DMD: variants seen among roughly 807,000 people sequenced by gnomAD.
The protein encoded by DMD is mutant dystrophin.
A neutral mutation model predicts 330.1 loss-of-function variants in DMD; 63 were observed. The observed-to-expected ratio is 0.19, with a 90% CI of 0.16 to 0.24. The LOEUF (loss-of-function observed/expected upper bound fraction) is 0.24. Ranked by LOEUF, DMD falls within the 10% of genes least tolerant of loss-of-function variation. DMD has a pLI of 1.00. For missense variants in DMD, 3,344 were observed against 2,684.1 expected (o/e 1.25, Z -5.43); for synonymous variants, 1,223 against 959.8 (o/e 1.27, Z -5.07).
At chrX:31,936,750 T>A (rs1271237766) in intron 45 of DMD, among the ~76,000 whole-genome samples, 1 of 111,768 alleles carries the variant, frequency 8.9e-6, no homozygotes, top group African/African-American at 3.2e-5. Context: ...TCTCATTTAT[T>A]CTTGATCCTT....
At chrX:32,477,729 G>GA (rs57582779) in intron 21 of DMD, among the ~76,000 whole-genome samples, 179 of 106,773 alleles carry the variant, frequency 1.7e-3, no homozygotes, top group Non-Finnish European at 2.7e-3. Context: ...ACACTTTACT[G>GA]AAAAAAAAAA....
At chrX:31,731,409 T>C (rs1292644612) in intron 51 of DMD, among the ~76,000 whole-genome samples, 1 of 111,658 alleles carries the variant, frequency 9.0e-6, no homozygotes, top group Non-Finnish European at 1.9e-5. Flanking sequence ...ATCTGTGACA[T>C]GGGAAGCTGA....
chrX:31,784,381 T>C (rs755704130), intron 50 of DMD, among the ~76,000 whole-genome samples: 23 of 111,862 alleles, frequency 2.1e-4, no homozygotes, highest in African/African-American at 7.5e-4. Flanking sequence ...ACTGAAACAC[T>C]TCTGCATTGT....
chrX:32,853,101 A>T (rs2081266889), intron 2 of DMD, among the ~76,000 whole-genome samples: 1 of 112,559 alleles, frequency 8.9e-6, no homozygotes, highest in Admixed American at 9.4e-5. Context: ...CCTTTATGCT[A>T]GGATAGTGCA....
At chrX:32,711,717 A>G (rs2065209077) in intron 7 of DMD, among the ~76,000 whole-genome samples, 1 of 112,067 alleles carries the variant, frequency 8.9e-6, no homozygotes. Flanking sequence ...CCCATTAGCT[A>G]GAAGTAATAC....
At chrX:31,950,867 T>G in intron 45 of DMD, among the ~76,000 whole-genome samples, 1 of 107,819 alleles carries the variant, frequency 9.3e-6, no homozygotes, top group Admixed American at 1.0e-4. Context: ...GTTTTGGCTC[T>G]AATACATTTC....
chrX:33,154,765 T>C (rs781778420), intron 1 of DMD, among the ~76,000 whole-genome samples: 65 of 111,750 alleles, frequency 5.8e-4, no homozygotes, highest in Non-Finnish European at 1.0e-3. Flanking sequence ...GCCAACTCAT[T>C]ATATTATCCT....
chrX:32,027,763 G>A (rs1029495284), intron 44 of DMD, among the ~76,000 whole-genome samples: 3 of 112,043 alleles, frequency 2.7e-5, no homozygotes, highest in African/African-American at 9.7e-5. Context: ...GCCTACTAAA[G>A]GACTGATGTA....
intron 55 of DMD, among the ~76,000 whole-genome samples, chrX:31,583,329 G>C (rs1003429944): frequency 1.2e-4 from 13 of 111,759 alleles, no homozygotes; most frequent in Non-Finnish European, 5.6e-5. Context: ...GTAGGATCTG[G>C]GGAGCAGCCA....
chrX:31,405,892 G>A (rs2061384956), intron 60 of DMD, among the ~76,000 whole-genome samples: 1 of 111,682 alleles, frequency 9.0e-6, no homozygotes, highest in South Asian at 3.7e-4. Context: ...TGCTTTCAAC[G>A]ATATTAAAGC....
intron 1 of DMD, among the ~76,000 whole-genome samples, chrX:33,318,304 C>T (rs1336648239): frequency 9.1e-6 from 1 of 110,443 alleles, no homozygotes; most frequent in African/African-American, 3.3e-5. Flanking sequence ...TCTCTAGGCA[C>T]CACTGTTCTA....
intron 60 of DMD, among the ~76,000 whole-genome samples, chrX:31,383,265 C>T (rs1484810814): frequency 9.0e-6 from 1 of 111,720 alleles, no homozygotes; most frequent in Non-Finnish European, 1.9e-5. Context: ...CCCTATCTCC[C>T]TTCGCTGACT....
At chrX:32,896,057 C>G (rs1034581964) in intron 2 of DMD, among the ~76,000 whole-genome samples, 7 of 111,346 alleles carry the variant, frequency 6.3e-5, no homozygotes, top group African/African-American at 2.3e-4. Flanking sequence ...TCTAAGAGCA[C>G]AGCCTCTGAG....
chrX:31,961,565 A>C (rs1208214109), intron 45 of DMD, among the ~76,000 whole-genome samples: 1 of 111,234 alleles, frequency 9.0e-6, no homozygotes, highest in Non-Finnish European at 1.9e-5. Context: ...TATACATACA[A>C]TATTACATGA....
chrX:33,007,485 C>T (rs1181921610), intron 2 of DMD, among the ~76,000 whole-genome samples: 5 of 111,385 alleles, frequency 4.5e-5, no homozygotes, highest in Non-Finnish European at 9.4e-5. Flanking sequence ...TTGAAATATC[C>T]CTATTCTACC....
chrX:32,675,231 C>T (rs776533928), intron 9 of DMD, among the ~76,000 whole-genome samples: 70 of 111,167 alleles, frequency 6.3e-4, no homozygotes, highest in Non-Finnish European at 1.1e-3. Flanking sequence ...ACTAGGATGC[C>T]AAATGGGAAT....
intron 1 of DMD, among the ~76,000 whole-genome samples, chrX:33,337,210 G>C (rs1603431340): frequency 9.0e-6 from 1 of 111,659 alleles, no homozygotes; most frequent in East Asian, 2.8e-4. Flanking sequence ...ACATTTTTTC[G>C]AAGGAGACAA....
intron 60 of DMD, among the ~76,000 whole-genome samples, chrX:31,387,916 CTTTA>C (rs2060519264): frequency 9.0e-6 from 1 of 111,034 alleles, no homozygotes; most frequent in South Asian, 3.8e-4. Flanking sequence ...GTCTTCCTTG[CTTTA>C]TTTATTTCAA....
intron 62 of DMD, among the ~76,000 whole-genome samples, chrX:31,268,279 T>C (rs1250283564): frequency 8.9e-6 from 1 of 112,543 alleles, no homozygotes; most frequent in Non-Finnish European, 1.9e-5. Flanking sequence ...TCTAATGCTA[T>C]AGCATGGCAA....
Sources: gnomAD v4.1 joint callset for allele counts (sites outside exome capture counted in the v4.1 genomes callset) on GRCh38, gnomAD v4.1.1 for gene constraint, MANE v1.5 for transcripts, NCBI Gene and HGNC (gene_info 2026-07-23, HGNC 2026-07-21) for gene names.